SAMD12: variants seen among roughly 807,000 people sequenced by gnomAD.
The protein encoded by SAMD12 is sterile alpha motif domain containing 12.
SAMD12 carries 9 observed loss-of-function variants against 15.0 expected under a neutral mutation model. The observed-to-expected ratio is 0.60, with a 90% CI of 0.36 to 1.05. The LOEUF (loss-of-function observed/expected upper bound fraction) is 1.05, where lower values mean the gene tolerates loss of function less well. Among genes scored for constraint, SAMD12 ranks in the 50% least tolerant of loss-of-function variants. SAMD12 has a pLI of 0.01. For missense variants in SAMD12, 230 were observed against 234.2 expected (o/e 0.98, Z 0.12); for synonymous variants, 86 against 90.1 (o/e 0.96, Z 0.25).
intron 4 of SAMD12, among the ~76,000 whole-genome samples, chr8:118,302,288 A>T (rs576459886): frequency 6.6e-6 from 1 of 152,104 alleles, no homozygotes; most frequent in African/African-American, 2.4e-5. Flanking sequence ...TAGCATCTCG[A>T]ATTTGTAGCC....
intron 2 of SAMD12, among the ~76,000 whole-genome samples, chr8:118,560,414 A>G (rs1370397943): frequency 6.6e-6 from 1 of 152,214 alleles, no homozygotes. Context: ...GACTTCCAAG[A>G]ATACTTCTAT....
At chr8:118,189,177 G>A (rs1347411316), downstream of SAMD12, among the ~76,000 whole-genome samples, 3 of 152,150 alleles carry the variant, frequency 2.0e-5, no homozygotes, top group Non-Finnish European at 2.9e-5. Context: ...GAGTTCACCA[G>A]TCATTGCAAT....
At chr8:118,334,429 T>C (rs187441260) in intron 4 of SAMD12, among the ~76,000 whole-genome samples, 359 of 152,272 alleles carry the variant, frequency 2.4e-3, no homozygotes, top group Admixed American at 4.5e-3. Context: ...CTAAGATATG[T>C]AGGAGATTCA....
At chr8:118,404,605 A>G (rs1175892558) in intron 3 of SAMD12, among the ~76,000 whole-genome samples, 1 of 152,190 alleles carries the variant, frequency 6.6e-6, no homozygotes, top group African/African-American at 2.4e-5. Context: ...AAGTAGTGGC[A>G]TACAAACATT....
chr8:118,139,322 A>G, the SAMD12 span, among the ~76,000 whole-genome samples: 1 of 152,100 alleles, frequency 6.6e-6, no homozygotes, highest in Non-Finnish European at 1.5e-5. Flanking sequence ...CATTCACTCA[A>G]TGAAAATTAA....
At chr8:118,441,209 CTT>C (rs35911465) in intron 2 of SAMD12, among the ~76,000 whole-genome samples, 2,015 of 152,070 alleles carry the variant, frequency 0.013, 32 homozygotes, top group African/African-American at 0.046. Context: ...CTTTTAAAAA[CTT>C]TTTAGTGTAT....
chr8:118,254,915 G>A (rs189442419), intron 4 of SAMD12, among the ~76,000 whole-genome samples: 1 of 151,990 alleles, frequency 6.6e-6, no homozygotes, highest in East Asian at 2.0e-4. Context: ...CAGATCAGGC[G>A]TTTCTATTCC....
At chr8:118,166,261 T>C in the SAMD12 span, among the ~76,000 whole-genome samples, 8 of 152,332 alleles carry the variant, frequency 5.3e-5, no homozygotes, top group East Asian at 1.3e-3. Flanking sequence ...CTTACTGAAA[T>C]GAGTTCATTT....
At chr8:118,566,456 C>T (rs1398831439) in intron 2 of SAMD12, among the ~76,000 whole-genome samples, 1 of 152,096 alleles carries the variant, frequency 6.6e-6, no homozygotes, top group Non-Finnish European at 1.5e-5. Flanking sequence ...GAACAGAAAC[C>T]CCGTGAAGGT....
intron 3 of SAMD12, among the ~76,000 whole-genome samples, chr8:118,414,909 G>A (rs950921499): frequency 2.0e-5 from 3 of 150,336 alleles, no homozygotes; most frequent in Non-Finnish European, 4.5e-5. Flanking sequence ...CACAGAGTGG[G>A]ACACTTAATA....
intron 1 of SAMD12, among the ~76,000 whole-genome samples, chr8:118,587,134 C>A (rs981962084): frequency 2.0e-5 from 3 of 152,148 alleles, no homozygotes; most frequent in African/African-American, 7.2e-5. Flanking sequence ...CAAATATACT[C>A]CAATCCCCAC....
At chr8:118,259,582 C>G (rs1316792496) in intron 4 of SAMD12, among the ~76,000 whole-genome samples, 1 of 152,096 alleles carries the variant, frequency 6.6e-6, no homozygotes, top group African/African-American at 2.4e-5. Context: ...TGTGGCCCCT[C>G]TCAGTTTCTA....
At chr8:118,358,193 A>G (rs934384973) in intron 4 of SAMD12, among the ~76,000 whole-genome samples, 38 of 152,098 alleles carry the variant, frequency 2.5e-4, no homozygotes, top group African/African-American at 9.2e-4. Context: ...AGAGCTTAGT[A>G]TGTGTTTTTC....
intron 4 of SAMD12, among the ~76,000 whole-genome samples, chr8:118,288,517 T>A (rs940307129): frequency 2.0e-5 from 3 of 152,238 alleles, no homozygotes; most frequent in African/African-American, 7.2e-5. Context: ...CAATTTCAGA[T>A]GTTTTGAAGA....
intron 2 of SAMD12, among the ~76,000 whole-genome samples, chr8:118,548,076 A>G (rs949799227): frequency 3.3e-5 from 5 of 152,126 alleles, no homozygotes; most frequent in Non-Finnish European, 5.9e-5. Context: ...TTCTTTCTCA[A>G]CTCATGAAGA....
intron 3 of SAMD12, among the ~76,000 whole-genome samples, chr8:118,384,760 ATTC>A (rs1166998551): frequency 2.0e-5 from 3 of 152,232 alleles, no homozygotes; most frequent in Non-Finnish European, 2.9e-5. Flanking sequence ...CAATTAAAAT[ATTC>A]TTCTTTTCTT....
intron 2 of SAMD12, among the ~76,000 whole-genome samples, chr8:118,443,068 G>T (rs1822805906): frequency 6.6e-6 from 1 of 152,132 alleles, no homozygotes; most frequent in South Asian, 2.1e-4. Flanking sequence ...GAGATTCTGA[G>T]GTTAACACTC....
intron 4 of SAMD12, among the ~76,000 whole-genome samples, chr8:118,206,184 G>C (rs777783937): frequency 5.9e-5 from 9 of 152,144 alleles, no homozygotes; most frequent in Non-Finnish European, 1.2e-4. Context: ...GAATGTCCAG[G>C]GGAGGACTAG....
At chr8:118,284,401 A>G (rs1291482600) in intron 4 of SAMD12, 9 of 456,068 alleles carry the variant, frequency 2.0e-5, no homozygotes, top group South Asian at 7.7e-5. Context: ...TCCTGTTTTG[A>G]ACATCTGCAC....
Sources: allele counts gnomAD v4.1 joint callset (sites outside exome capture counted in the v4.1 genomes callset), GRCh38; gene constraint gnomAD v4.1.1; transcripts MANE v1.5; gene names NCBI Gene and HGNC (gene_info 2026-07-23, HGNC 2026-07-21).